Variants in KCNG2 observed in about 807,000 individuals in gnomAD.
KCNG2 encodes the protein potassium voltage-gated channel modifier subfamily G member 2.
Under a neutral mutation model 12.3 loss-of-function variants are expected in KCNG2, and 7 were observed. That is an observed-to-expected ratio of 0.57 (90% CI 0.32 to 1.07). The LOEUF (loss-of-function observed/expected upper bound fraction) is 1.07. KCNG2 is among the 50% of genes least tolerant of loss of function. KCNG2 has a pLI of 0.04. For missense variants in KCNG2, 703 were observed against 726.0 expected (o/e 0.97, Z 0.36); for synonymous variants, 414 against 351.4 (o/e 1.18, Z -1.99).
chr18:79,825,866 T>A (rs749008722), intron 1 of KCNG2, among the ~76,000 whole-genome samples: 1 of 152,252 alleles, frequency 6.6e-6, no homozygotes, highest in Non-Finnish European at 1.5e-5. Flanking sequence ...ACTGTCAGCC[T>A]GTCTGTGGCC....
intron 3 of KCNG2, among the ~76,000 whole-genome samples, chr18:79,867,569 A>G: frequency 1.9e-5 from 1 of 51,580 alleles, no homozygotes; most frequent in African/African-American, 7.7e-5. Flanking sequence ...TCTGGGAGGG[A>G]CCGTGAGCTC....
At chr18:79,809,504 C>T (rs2087476382) in intron 1 of KCNG2, among the ~76,000 whole-genome samples, 1 of 99,994 alleles carries the variant, frequency 1.0e-5, no homozygotes, top group South Asian at 3.3e-4. Flanking sequence ...AGAGTCCGCG[C>T]TCTGAGGAGC....
chr18:79,856,990 C>T (rs971783994), intron 2 of KCNG2, among the ~76,000 whole-genome samples: 1 of 148,544 alleles, frequency 6.7e-6, no homozygotes, highest in Non-Finnish European at 1.5e-5. Flanking sequence ...TGCTCCAGCC[C>T]TTCTGCTGGG....
At chr18:79,899,019 C>G in intron 3 of KCNG2, 21 bp from the exon 4 acceptor site, 1 of 1,516,182 alleles carries the variant, frequency 6.6e-7, no homozygotes. Context: ...GCCCCCAACC[C>G]CGTGTCCCCT....
In KCNG2 at chr18:79,823,097, C is replaced by A. The variant is rs187298337; in HGVS notation, c.-115+25083C>A. ...GCAGGCACCTGTGCATTTCAGCTGG[C>A]CCCTGTCTTACACCATGGGTGGCAA... On this transcript the variant is annotated intron_variant, in intron 1 of 3. Transcript: ENST00000316249. Among the ~76,000 whole-genome samples, 5 of 152,300 alleles carry A rather than the reference C, an allele frequency of 3.3e-5. No homozygotes were observed. The East Asian group carries it at 5.8e-4, about 18-fold the overall frequency.
chr18:79,807,649 A>G (rs2087460548), intron 1 of KCNG2, among the ~76,000 whole-genome samples: 1 of 152,170 alleles, frequency 6.6e-6, no homozygotes. Context: ...CACACGCTGA[A>G]GAAACAAGTC....
chr18:79,821,619 G>A (rs1599370481), intron 1 of KCNG2, among the ~76,000 whole-genome samples: 1 of 152,282 alleles, frequency 6.6e-6, no homozygotes, highest in East Asian at 1.9e-4. Context: ...ATGGGGTGGG[G>A]TAGGGCTCAG....
intron 2 of KCNG2, among the ~76,000 whole-genome samples, chr18:79,857,489 C>A (rs1239265642): frequency 2.0e-5 from 3 of 151,784 alleles, no homozygotes; most frequent in Non-Finnish European, 4.4e-5. Flanking sequence ...ACTTTTTCCC[C>A]CTAAAATCTC....
rs865781015 is a variant in KCNG2, at chr18:79,797,972, G to T, written c.-157G>T. Among the ~76,000 whole-genome samples, 2 of 151,898 alleles carry T rather than the reference G, an allele frequency of 1.3e-5. No individual in the cohort carries two copies. Among genetic ancestry groups the T allele is most frequent in the South Asian group, 4.1e-4 (2 of 4,828 alleles). The stretch of plus-strand genomic sequence containing the variant: ...GCGCTCCGCCCCGAGGAGGCCGCCG[G>T]CCGGGTAAGCGGAGCCCGGAGCTCG... On this transcript the variant is annotated 5_prime_UTR_variant, in exon 1 of 4. Coordinates refer to ENST00000316249, the MANE Select transcript of KCNG2 (RefSeq NM_012283.2).
intron 3 of KCNG2, among the ~76,000 whole-genome samples, chr18:79,868,612 G>C (rs916777306): frequency 1.3e-5 from 2 of 152,234 alleles, no homozygotes. Flanking sequence ...CCGGAAGCCA[G>C]GGTGCTTCCA....
At chr18:79,859,007 T>C (rs1008632208) in intron 2 of KCNG2, among the ~76,000 whole-genome samples, 3 of 152,228 alleles carry the variant, frequency 2.0e-5, no homozygotes, top group Admixed American at 2.0e-4. Flanking sequence ...TCTTTTTTTT[T>C]CCACCGTTAC....
At chr18:79,875,455 A>G (rs911852142) in intron 3 of KCNG2, among the ~76,000 whole-genome samples, 1 of 152,092 alleles carries the variant, frequency 6.6e-6, no homozygotes, top group African/African-American at 2.4e-5. Context: ...GTTTCCCTAA[A>G]TCTCAGGGTC....
intron 3 of KCNG2, 41 bp downstream of exon 3, chr18:79,864,332 G>A (rs749197107): frequency 4.7e-5 from 67 of 1,423,986 alleles, no homozygotes; most frequent in Non-Finnish European, 6.1e-5. Context: ...GCCGGAGCTG[G>A]GGCTGGGCTG....
intron 1 of KCNG2, among the ~76,000 whole-genome samples, chr18:79,807,726 A>G (rs2087461397): frequency 1.3e-5 from 2 of 152,074 alleles, no homozygotes; most frequent in South Asian, 4.2e-4. Flanking sequence ...CTCCGGCGCC[A>G]CTGACGGGCA....
intron 3 of KCNG2, among the ~76,000 whole-genome samples, chr18:79,872,160 C>G: frequency 6.7e-6 from 1 of 149,006 alleles, no homozygotes; most frequent in East Asian, 2.0e-4. Flanking sequence ...ATTCTCTGCT[C>G]TGCTTCCTGC....
In KCNG2 at chr18:79,817,053, C is replaced by T. The variant is rs374806986; in HGVS notation, c.-115+19039C>T. ...ACGCAGCTGCCACATGGATGTTACA[C>T]GGCTGTCATACAGCTGTCACACGGC... On this transcript the variant is annotated intron_variant, in intron 1 of 3. Transcript: ENST00000316249. Among the ~76,000 whole-genome samples the T allele has an allele frequency of 5.5e-3, 839 of 151,450 alleles. 13 individuals carry two copies. Among genetic ancestry groups the T allele is most frequent in the African/African-American group, 0.018 (726 of 41,180 alleles).
Position 79,898,482 on chromosome 18 carries a change from C to T in KCNG2, c.625-558C>T, listed in dbSNP as rs1250607597. 3.3e-5 allele frequency among the ~76,000 whole-genome samples: 5 copies of T among 152,310 alleles called. No individual in the cohort carries two copies. The South Asian group carries it at 6.2e-4, about 19-fold the overall frequency. On this transcript the variant is annotated intron_variant, in intron 3 of 3. Transcript: ENST00000316249. ...ACCCCTCCACCGGACTCCCCAAGGA[C>T]GTAGCCCCAGGAGCTGAGGGCGGAA... is the stretch of plus-strand genomic sequence containing the variant.
intron 3 of KCNG2, among the ~76,000 whole-genome samples, chr18:79,893,853 A>C (rs1980841327): frequency 6.6e-6 from 1 of 151,890 alleles, no homozygotes; most frequent in Non-Finnish European, 1.5e-5. Context: ...ATAACGATAT[A>C]GTTGGGTCTG....
intron 1 of KCNG2, among the ~76,000 whole-genome samples, chr18:79,828,784 G>A (rs931922779): frequency 7.0e-6 from 1 of 142,834 alleles, no homozygotes; most frequent in Admixed American, 6.9e-5. Context: ...ACGTGTCTGT[G>A]TGTGCATGTG....
Sources: gnomAD v4.1 joint callset for allele counts (sites outside exome capture counted in the v4.1 genomes callset) on GRCh38, gnomAD v4.1.1 for gene constraint, MANE v1.5 for transcripts, NCBI Gene and HGNC (gene_info 2026-07-23, HGNC 2026-07-21) for gene names.